RFX8: variants seen among roughly 807,000 people sequenced by gnomAD.
The protein encoded by RFX8 is DNA-binding protein RFX8.
RFX8 carries 46 observed loss-of-function variants against 54.6 expected under a neutral mutation model. The observed-to-expected ratio is 0.84, with a 90% CI of 0.67 to 1.08. The LOEUF (loss-of-function observed/expected upper bound fraction) is 1.08. Among genes scored for constraint, RFX8 ranks in the 50% least tolerant of loss-of-function variants. The pLI, the probability that RFX8 is intolerant of heterozygous loss-of-function variation, is 0.00. For missense variants in RFX8, 536 were observed against 562.3 expected (o/e 0.95, Z 0.47); for synonymous variants, 192 against 209.5 (o/e 0.92, Z 0.72).
At position 101,474,622 on chromosome 2, in the gene RFX8, A is replaced by C. The variant is rs1690211229; in HGVS notation, c.-53+14T>G. ...CCAGTCAAACAGGGACGCGAACAAC[A>C]AGCACCAACTTACACCTTTTCCAAT... On this transcript the variant is annotated intron_variant, in intron 1 of 11. Transcript: ENST00000428343. 2 of 215,052 alleles carry C rather than the reference A, an allele frequency of 9.3e-6. No individual in the cohort carries two copies. Among genetic ancestry groups the C allele is most frequent in the African/African-American group, 2.3e-5 (1 of 43,626 alleles). 13.3% of individuals were successfully genotyped at this position (215,052 alleles called of 1,614,324 possible).
At chr2:101,400,918 G>A (rs1035545012) in intron 11 of RFX8, among the ~76,000 whole-genome samples, 3 of 152,060 alleles carry the variant, frequency 2.0e-5, no homozygotes, top group East Asian at 1.9e-4. Context: ...CCAAGCCATC[G>A]CCTCTTCAGA....
rs185870718 is a variant in RFX8 at position 101,407,873 on chromosome 2, G to T, written c.814-1816C>A. Among the ~76,000 whole-genome samples, 223 of 152,246 alleles carry T rather than the reference G, an allele frequency of 1.5e-3. 2 individuals carry two copies. The highest frequency in any genetic ancestry group is 5.1e-3 in the African/African-American group (213 of 41,544). On this transcript the variant is annotated intron_variant, in intron 9 of 11. Coordinates refer to ENST00000428343, the MANE Select transcript of RFX8 (RefSeq NM_001145664.2). ...CCCCCAACGTAGAAGCTCCTCCAGG[G>T]CCCGAACTGCCCTCTGCTCGCTGAC...
At chr2:101,447,610 A>C (rs749965963) in intron 2 of RFX8, among the ~76,000 whole-genome samples, 9 of 152,206 alleles carry the variant, frequency 5.9e-5, no homozygotes, top group African/African-American at 2.2e-4. Context: ...TTGTGTTGGG[A>C]ACATTTCAAA....
chr2:101,473,378 C>T (rs1046373739), intron 1 of RFX8, among the ~76,000 whole-genome samples: 2 of 152,090 alleles, frequency 1.3e-5, no homozygotes, highest in Non-Finnish European at 2.9e-5. Flanking sequence ...CACTGAAAAA[C>T]GCTGTGTACT....
intron 2 of RFX8, among the ~76,000 whole-genome samples, chr2:101,423,079 G>GA (rs1360682988): frequency 1.3e-5 from 2 of 152,082 alleles, no homozygotes; most frequent in African/African-American, 4.8e-5. Context: ...CCAACATGGT[G>GA]AAACCCTGTC....
intron 10 of RFX8, among the ~76,000 whole-genome samples, chr2:101,404,414 G>A (rs750739184): frequency 4.6e-5 from 7 of 152,140 alleles, no homozygotes; most frequent in Non-Finnish European, 8.8e-5. Context: ...ACTGGGAAAA[G>A]TAACAACTAC....
At chr2:101,436,519 A>C (rs1687791866) in intron 2 of RFX8, among the ~76,000 whole-genome samples, 1 of 152,102 alleles carries the variant, frequency 6.6e-6, no homozygotes, top group South Asian at 2.1e-4. Context: ...CCCCAACCAA[A>C]ATGAAATTCC....
At chr2:101,417,916 A>G (rs1342541950) in intron 5 of RFX8, among the ~76,000 whole-genome samples, 2 of 151,854 alleles carry the variant, frequency 1.3e-5, no homozygotes, top group Admixed American at 1.3e-4. Flanking sequence ...TTTGAGACGG[A>G]GTCTTGTTCT....
chr2:101,413,305 G>A (rs1686265610), intron 7 of RFX8, among the ~76,000 whole-genome samples: 1 of 152,242 alleles, frequency 6.6e-6, no homozygotes, highest in South Asian at 2.1e-4. Flanking sequence ...GTTCAGGGCT[G>A]TCTGGCACTG....
At chr2:101,410,856 C>A in intron 8 of RFX8, 143 bp from the exon 9 acceptor site, 1 of 592,152 alleles carries the variant, frequency 1.7e-6, no homozygotes, top group Non-Finnish European at 3.1e-6. Context: ...TCATTGTGAA[C>A]ACAGAGGATG....
At chr2:101,398,899 T>C (rs1470697892) in intron 11 of RFX8, among the ~76,000 whole-genome samples, 1 of 152,208 alleles carries the variant, frequency 6.6e-6, no homozygotes, top group Non-Finnish European at 1.5e-5. Context: ...ACAAAAACCA[T>C]CACCACCCAG....
intron 2 of RFX8, among the ~76,000 whole-genome samples, chr2:101,461,278 A>AAG (rs1553459148): frequency 1.3e-5 from 2 of 148,612 alleles, no homozygotes; most frequent in African/African-American, 5.0e-5. Flanking sequence ...AAAAAAAAAA[A>AAG]AAAAGAAAGA....
chr2:101,460,558 G>A (rs1573477630), intron 2 of RFX8, among the ~76,000 whole-genome samples: 1 of 152,062 alleles, frequency 6.6e-6, no homozygotes, highest in Non-Finnish European at 1.5e-5. Context: ...CATGACAAGC[G>A]TGGCATCCAT....
intron 2 of RFX8, among the ~76,000 whole-genome samples, chr2:101,463,952 T>C (rs1689429557): frequency 6.6e-6 from 1 of 152,190 alleles, no homozygotes; most frequent in Admixed American, 6.5e-5. Context: ...CTGATGACAA[T>C]GTTGGGTATT....
intron 2 of RFX8, among the ~76,000 whole-genome samples, chr2:101,431,939 A>G (rs561088586): frequency 1.3e-5 from 2 of 152,202 alleles, no homozygotes; most frequent in Non-Finnish European, 2.9e-5. Context: ...TATAGCAGGA[A>G]TCCTCACTGG....
rs778749788 is a variant in RFX8, at chr2:101,418,986, A to T, written c.238-22T>A. 7.9e-6 allele frequency: 11 copies of T among 1,394,384 alleles called. No homozygotes were observed. In the South Asian group the frequency reaches 1.1e-4, roughly 14 times the overall value. The allele number at this position is 1,394,384 out of a possible 1,614,324, so 86.4% of individuals were successfully genotyped here. A position where few individuals can be genotyped will look rare whatever the true frequency, so the allele number is the denominator to read the frequency against. On this transcript the variant is annotated intron_variant, in intron 4 of 11. Coordinates refer to ENST00000428343, the MANE Select transcript of RFX8 (RefSeq NM_001145664.2). ...CCACCTGGGGTAAGTAACAGAGCAT[A>T]TCGCCAAAACTCGTTTTCCACCTCG...
chr2:101,415,010 A>G, intron 6 of RFX8, 98 bp from the exon 7 acceptor site: 2 of 939,724 alleles, frequency 2.1e-6, no homozygotes. Flanking sequence ...AGGAAGGCAC[A>G]GCTGGCTAAA....
At chr2:101,466,683 A>T (rs1248504742) in intron 2 of RFX8, 94 bp downstream of exon 2, 31 of 913,578 alleles carry the variant, frequency 3.4e-5, no homozygotes, top group Non-Finnish European at 7.1e-6. Flanking sequence ...CTGAAAATCC[A>T]TTAGACTCAA....
chr2:101,439,358 G>C (rs947946854), intron 2 of RFX8, among the ~76,000 whole-genome samples: 2 of 151,964 alleles, frequency 1.3e-5, no homozygotes, highest in South Asian at 4.1e-4. Flanking sequence ...TCTTCACATG[G>C]GCTTTCTAAG....
Sources: gnomAD v4.1 joint callset for allele counts (sites outside exome capture counted in the v4.1 genomes callset) on GRCh38, gnomAD v4.1.1 for gene constraint, MANE v1.5 for transcripts, NCBI Gene and HGNC (gene_info 2026-07-23, HGNC 2026-07-21) for gene names.